The following PEX5L variants were observed in gnomAD, a reference collection of about 807,000 sequenced individuals.
The protein encoded by PEX5L is PEX5-related protein.
In PEX5L, 30 loss-of-function variants were observed where a neutral mutation model predicts 84.0. That is an observed-to-expected ratio of 0.36 (90% CI 0.27 to 0.48). PEX5L has a LOEUF of 0.48. Among genes scored for constraint, PEX5L ranks in the 20% least tolerant of loss-of-function variants. PEX5L has a pLI of 0.99. For missense variants in PEX5L, 533 were observed against 754.6 expected (o/e 0.71, Z 3.44); for synonymous variants, 270 against 283.1 (o/e 0.95, Z 0.46).
At chr3:179,880,195 G>A in intron 4 of PEX5L, 72 bp from the exon 5 acceptor site, 3 of 889,950 alleles carry the variant, frequency 3.4e-6, no homozygotes, top group Non-Finnish European at 5.1e-6. Context: ...GTTTCAGTTG[G>A]GTACAGAAAG....
intron 2 of PEX5L, among the ~76,000 whole-genome samples, chr3:179,944,800 A>G (rs999925734): frequency 1.3e-5 from 2 of 152,228 alleles, no homozygotes; most frequent in African/African-American, 4.8e-5. Flanking sequence ...GGGTTTCCCC[A>G]TAACAATGTG....
chr3:180,019,007 T>A (rs1790195966), intron 1 of PEX5L, among the ~76,000 whole-genome samples: 1 of 152,186 alleles, frequency 6.6e-6, no homozygotes, highest in Non-Finnish European at 1.5e-5. Flanking sequence ...CAGGTGTGAA[T>A]GGTCAATATG....
intron 1 of PEX5L, among the ~76,000 whole-genome samples, chr3:180,000,032 A>G (rs1239175515): frequency 6.6e-6 from 1 of 152,184 alleles, no homozygotes; most frequent in African/African-American, 2.4e-5. Flanking sequence ...GGGTCCAGGA[A>G]TCAAGGGATA....
intron 1 of PEX5L, among the ~76,000 whole-genome samples, chr3:179,985,746 T>C (rs1434411298): frequency 6.6e-6 from 1 of 152,114 alleles, no homozygotes; most frequent in African/African-American, 2.4e-5. Context: ...CAGAATAATG[T>C]GCCATTTGAA....
intron 14 of PEX5L, among the ~76,000 whole-genome samples, chr3:179,806,172 A>G (rs1438636893): frequency 6.6e-6 from 1 of 152,080 alleles, no homozygotes; most frequent in Non-Finnish European, 1.5e-5. Flanking sequence ...TATACACAAC[A>G]TATCTAGAAA....
chr3:179,825,275 G>A (rs777063569), intron 8 of PEX5L, among the ~76,000 whole-genome samples: 4 of 152,158 alleles, frequency 2.6e-5, no homozygotes, highest in Non-Finnish European at 4.4e-5. Flanking sequence ...GGCAATTCCA[G>A]GGGGACAAAT....
intron 8 of PEX5L, among the ~76,000 whole-genome samples, chr3:179,854,021 C>A (rs894339500): frequency 7.0e-6 from 1 of 142,966 alleles, no homozygotes; most frequent in Non-Finnish European, 1.6e-5. Context: ...CCTTGTTGCC[C>A]AGGCTGGTCT....
chr3:179,957,956 T>C (rs145648041), intron 2 of PEX5L, among the ~76,000 whole-genome samples: 2 of 152,264 alleles, frequency 1.3e-5, no homozygotes, highest in East Asian at 3.9e-4. Flanking sequence ...CAGCTTTGCT[T>C]TTGATTATGC....
intron 2 of PEX5L, among the ~76,000 whole-genome samples, chr3:179,965,799 G>T (rs1209054516): frequency 6.6e-6 from 1 of 152,022 alleles, no homozygotes; most frequent in Non-Finnish European, 1.5e-5. Context: ...CTGTTATTTT[G>T]CCCTCCAAAT....
chr3:179,884,841 A>G (rs911884781), intron 4 of PEX5L, among the ~76,000 whole-genome samples: 1 of 152,200 alleles, frequency 6.6e-6, no homozygotes, highest in African/African-American at 2.4e-5. Flanking sequence ...TTCTTCAGAT[A>G]ATCTAATAGA....
chr3:179,998,379 C>A (rs148056899), intron 1 of PEX5L, among the ~76,000 whole-genome samples: 1 of 152,168 alleles, frequency 6.6e-6, no homozygotes, highest in Non-Finnish European at 1.5e-5. Flanking sequence ...TCCAGGCTGC[C>A]GTGCAAGTTG....
At chr3:179,892,117 T>G (rs1359762076) in intron 3 of PEX5L, among the ~76,000 whole-genome samples, 1 of 152,160 alleles carries the variant, frequency 6.6e-6, no homozygotes, top group Non-Finnish European at 1.5e-5. Context: ...TGATTGCAAT[T>G]TTGGTCTAGT....
chr3:179,956,758 C>T (rs753456912), intron 2 of PEX5L, among the ~76,000 whole-genome samples: 22 of 152,068 alleles, frequency 1.4e-4, no homozygotes, highest in South Asian at 6.2e-4. Flanking sequence ...TTTTACGGAG[C>T]GACGCAACAT....
intron 2 of PEX5L, among the ~76,000 whole-genome samples, chr3:179,954,210 G>GC (rs1319275943): frequency 7.3e-6 from 1 of 136,298 alleles, no homozygotes; most frequent in African/African-American, 2.6e-5. Flanking sequence ...TAGTCGGGGG[G>GC]GGGGGAAAAA....
intron 1 of PEX5L, among the ~76,000 whole-genome samples, chr3:179,998,209 C>T (rs1788072116): frequency 6.6e-6 from 1 of 152,200 alleles, no homozygotes; most frequent in Admixed American, 6.5e-5. Flanking sequence ...TTTGGCCCCT[C>T]CTACAACCAA....
At chr3:179,945,805 T>C (rs756536501) in intron 2 of PEX5L, among the ~76,000 whole-genome samples, 1 of 152,142 alleles carries the variant, frequency 6.6e-6, no homozygotes, top group Non-Finnish European at 1.5e-5. Context: ...ATGAAACATA[T>C]CCGATCAAAA....
chr3:180,015,866 CATATAAT>C lies in PEX5L; in HGVS notation c.21+20706_21+20712del, dbSNP rs895544487. 7.7e-4 allele frequency among the ~76,000 whole-genome samples: 103 copies of C among 134,318 alleles called. 2 individuals carry two copies. The highest frequency in any genetic ancestry group is 2.0e-4 in the East Asian group (1 of 5,062). The allele number at this position is 134,318 out of a possible 152,430, so 88.1% of individuals were successfully genotyped here. A position where few individuals can be genotyped will look rare whatever the true frequency, so the allele number is the denominator to read the frequency against. ...CTTCATAGAATATAATAATATATAA[CATATAAT>C]ATATAATATTTAATATATTATATAT... On this transcript the variant is annotated intron_variant, in intron 1 of 14. Coordinates refer to ENST00000467460, the MANE Select transcript of PEX5L (RefSeq NM_016559.3).
intron 5 of PEX5L, among the ~76,000 whole-genome samples, chr3:179,875,839 C>G (rs1243726241): frequency 6.6e-6 from 1 of 152,090 alleles, no homozygotes; most frequent in Non-Finnish European, 1.5e-5. Flanking sequence ...GTAGAATGTA[C>G]ATCTGGAGCA....
At chr3:179,906,700 T>C (rs930620765) in intron 2 of PEX5L, among the ~76,000 whole-genome samples, 1 of 152,162 alleles carries the variant, frequency 6.6e-6, no homozygotes, top group Non-Finnish European at 1.5e-5. Flanking sequence ...CTCAGATCAT[T>C]TGCAAACAGG....
Sources: allele counts gnomAD v4.1 joint callset (sites outside exome capture counted in the v4.1 genomes callset), GRCh38; gene constraint gnomAD v4.1.1; transcripts MANE v1.5; gene names NCBI Gene and HGNC (gene_info 2026-07-23, HGNC 2026-07-21).